PRKN: variants seen among roughly 807,000 people sequenced by gnomAD.
PRKN encodes the protein E3 ubiquitin-protein ligase parkin.
Under a neutral mutation model 59.5 loss-of-function variants are expected in PRKN, and 56 were observed. The observed-to-expected ratio is 0.94, with a 90% CI of 0.76 to 1.18. The LOEUF is 1.18. Among genes scored for constraint, PRKN ranks in the 50% most tolerant of loss-of-function variants. The pLI is 0.00. For synonymous variants in PRKN, 250 were observed against 222.1 expected, an observed-to-expected ratio of 1.13 and a Z score of -1.12; for missense variants, 657 against 596.4, an observed-to-expected ratio of 1.10 and a Z score of -1.06.
chr6:161,951,638 G>A (rs965926384), intron 6 of PRKN, among the ~76,000 whole-genome samples: 1 of 152,210 alleles, frequency 6.6e-6, no homozygotes. Flanking sequence ...ATGTTAGGCT[G>A]GGCACAGTGG....
At chr6:161,842,007 G>A (rs187769002) in intron 6 of PRKN, among the ~76,000 whole-genome samples, 2 of 152,164 alleles carry the variant, frequency 1.3e-5, no homozygotes, top group African/African-American at 4.8e-5. Context: ...CTGCCTTACT[G>A]TTCTTTAACA....
chr6:162,388,036 G>A (rs1315977462), intron 2 of PRKN, among the ~76,000 whole-genome samples: 1 of 152,192 alleles, frequency 6.6e-6, no homozygotes, highest in African/African-American at 2.4e-5. Flanking sequence ...AATATTCTCT[G>A]CAAAGCAGAG....
chr6:161,880,491 T>C (rs1794892533), intron 6 of PRKN, among the ~76,000 whole-genome samples: 1 of 152,144 alleles, frequency 6.6e-6, no homozygotes, highest in South Asian at 2.1e-4. Flanking sequence ...TCCCCCACAG[T>C]ATTAGGGTAT....
At chr6:161,814,945 T>C (rs1345226698) in intron 6 of PRKN, among the ~76,000 whole-genome samples, 3 of 152,280 alleles carry the variant, frequency 2.0e-5, no homozygotes, top group East Asian at 1.9e-4. Context: ...GAGCTCAAGA[T>C]GAGATTGGGT....
intron 2 of PRKN, among the ~76,000 whole-genome samples, chr6:162,402,326 C>T (rs1787837425): frequency 6.6e-6 from 1 of 151,954 alleles, no homozygotes; most frequent in Admixed American, 6.6e-5. Context: ...CAACCATGCT[C>T]AGGCATGGAG....
At chr6:161,653,256 C>G (rs969215357) in intron 7 of PRKN, among the ~76,000 whole-genome samples, 1 of 152,144 alleles carries the variant, frequency 6.6e-6, no homozygotes, top group African/African-American at 2.4e-5. Context: ...CCCAGCTACT[C>G]AGCAGGCTGA....
chr6:162,104,414 C>G (rs1009186715), intron 4 of PRKN, among the ~76,000 whole-genome samples: 1 of 152,082 alleles, frequency 6.6e-6, no homozygotes, highest in African/African-American at 2.4e-5. Flanking sequence ...TATTAATAAA[C>G]AAGCAGGAAT....
intron 1 of PRKN, among the ~76,000 whole-genome samples, chr6:162,701,703 C>T (rs1778157738): frequency 6.6e-6 from 1 of 150,634 alleles, no homozygotes; most frequent in African/African-American, 2.4e-5. Flanking sequence ...TTTTTTTTGA[C>T]ATCAGTGTAC....
intron 2 of PRKN, among the ~76,000 whole-genome samples, chr6:162,298,170 G>A (rs1781767430): frequency 6.7e-6 from 1 of 148,808 alleles, no homozygotes; most frequent in Admixed American, 6.7e-5. Context: ...CAGACGGAGG[G>A]GAGAGAGAGA....
chr6:162,168,988 C>A (rs1783126691), intron 4 of PRKN, among the ~76,000 whole-genome samples: 1 of 152,096 alleles, frequency 6.6e-6, no homozygotes, highest in Non-Finnish European at 1.5e-5. Flanking sequence ...TGCTGGCCGG[C>A]CAGATTCCTA....
chr6:162,366,880 C>A (rs1785468725), intron 2 of PRKN, among the ~76,000 whole-genome samples: 1 of 152,066 alleles, frequency 6.6e-6, no homozygotes, highest in Non-Finnish European at 1.5e-5. Context: ...GCCTGGGCAA[C>A]AAGAGTGAAA....
At chr6:162,213,775 A>C (rs1777510150) in intron 3 of PRKN, among the ~76,000 whole-genome samples, 1 of 150,506 alleles carries the variant, frequency 6.6e-6, no homozygotes, top group African/African-American at 2.5e-5. Flanking sequence ...AATTATTACT[A>C]TAGTAAAAAT....
chr6:161,489,983 C>T (rs1480695264), intron 9 of PRKN, among the ~76,000 whole-genome samples: 1 of 152,220 alleles, frequency 6.6e-6, no homozygotes, highest in Non-Finnish European at 1.5e-5. Context: ...CACAGTAACT[C>T]CTGGGTTCTC....
rs1418703604 is a variant in PRKN at position 161,361,409 on chromosome 6, G to A, written c.1168-1204C>T. ...TCCCCAGTTTCTGGCATAGAATCTG[G>A]TACACAGCAGGCGATCAGTACATTT... On this transcript the variant is annotated intron_variant, in intron 10 of 11. Transcript: ENST00000366898. This position sits in a 1 kb window ranked among gnomAD's most constrained non-coding sequence, Gnocchi z 5.2. Among the ~76,000 whole-genome samples the A allele has an allele frequency of 6.6e-6, 1 of 152,162 alleles. No individual in the cohort carries two copies. Among genetic ancestry groups the A allele is most frequent in the Non-Finnish European group, 1.5e-5 (1 of 68,042 alleles).
At chr6:162,523,747 T>C (rs1284137267) in intron 1 of PRKN, among the ~76,000 whole-genome samples, 2 of 152,102 alleles carry the variant, frequency 1.3e-5, no homozygotes, top group Non-Finnish European at 2.9e-5. Flanking sequence ...CTGGGCATAG[T>C]GGCTCATGCG....
At chr6:162,306,584 T>C (rs936598988) in intron 2 of PRKN, among the ~76,000 whole-genome samples, 2 of 152,208 alleles carry the variant, frequency 1.3e-5, no homozygotes, top group African/African-American at 2.4e-5. Flanking sequence ...TGTTTTCCCC[T>C]GGCTCTTTGA....
At chr6:161,432,512 G>C (rs372929546) in intron 9 of PRKN, among the ~76,000 whole-genome samples, 1 of 149,552 alleles carries the variant, frequency 6.7e-6, no homozygotes, top group Non-Finnish European at 1.5e-5. Context: ...ACAGGCGCCC[G>C]CCATCACCAT....
chr6:162,000,601 T>C (rs1051914876), intron 5 of PRKN, among the ~76,000 whole-genome samples: 19 of 152,074 alleles, frequency 1.2e-4, no homozygotes, highest in African/African-American at 4.6e-4. Context: ...AGTCTATGGC[T>C]TGTTTCATTC....
rs188273063 is a variant in PRKN, at chr6:161,628,704, A to T, written c.872-59288T>A. ...AGAAGAGGGGGTCTGACATCTCCAG[A>T]GCTGCGCCAGCTCTTACTGCAGTAC... On this transcript the variant is annotated intron_variant, in intron 7 of 11. Coordinates refer to ENST00000366898, the MANE Select transcript of PRKN (RefSeq NM_004562.3). 4.0e-4 allele frequency among the ~76,000 whole-genome samples: 61 copies of T among 152,302 alleles called. No homozygotes were observed. In the East Asian group the frequency reaches 8.7e-3, roughly 22 times the overall value.
Sources: allele counts gnomAD v4.1 joint callset (sites outside exome capture counted in the v4.1 genomes callset), GRCh38; gene constraint gnomAD v4.1.1; non-coding constraint Gnocchi (gnomAD v3.1); transcripts MANE v1.5; gene names NCBI Gene and HGNC (gene_info 2026-07-23, HGNC 2026-07-21).